GRM3: variants seen among roughly 807,000 people sequenced by gnomAD.
The protein encoded by GRM3 is metabotropic glutamate receptor 3.
GRM3 carries 26 observed loss-of-function variants against 70.5 expected under a neutral mutation model. The ratio of observed to expected loss-of-function variants is 0.37; its 90% CI spans 0.27 to 0.51. GRM3 has a LOEUF of 0.51. GRM3 is among the 20% of genes least tolerant of loss of function. GRM3 has a pLI of 0.93. For missense variants in GRM3, 859 were observed against 1,123.8 expected (o/e 0.76, Z 3.37); for synonymous variants, 443 against 434.9 (o/e 1.02, Z -0.23).
chr7:86,712,036 C>T (rs1278724009), intron 1 of GRM3, among the ~76,000 whole-genome samples: 1 of 152,154 alleles, frequency 6.6e-6, no homozygotes, highest in African/African-American at 2.4e-5. Flanking sequence ...TATGCTCTTT[C>T]TGTTAGTGGC....
chr7:86,716,762 T>A (rs557851712), intron 1 of GRM3, among the ~76,000 whole-genome samples: 1 of 152,016 alleles, frequency 6.6e-6, no homozygotes, highest in South Asian at 2.1e-4. Context: ...ATAATTTACA[T>A]AAGATTATAA....
At chr7:86,784,784 G>A (rs893851883) in intron 2 of GRM3, 30 of 152,200 alleles carry the variant, frequency 2.0e-4, no homozygotes, top group Non-Finnish European at 3.8e-4. Context: ...GCATTATATT[G>A]TGTGTTAAGC....
chr7:86,760,647 T>G (rs941300512), intron 1 of GRM3, among the ~76,000 whole-genome samples: 1 of 151,894 alleles, frequency 6.6e-6, no homozygotes, highest in African/African-American at 2.4e-5. Flanking sequence ...TATTTTTCAA[T>G]GTTACTTTTT....
At chr7:86,835,438 A>C (rs778536534) in intron 3 of GRM3, among the ~76,000 whole-genome samples, 16 of 152,138 alleles carry the variant, frequency 1.1e-4, no homozygotes, top group Non-Finnish European at 2.1e-4. Context: ...TGGAGTAGGA[A>C]AGGATTTTTT....
intron 1 of GRM3, among the ~76,000 whole-genome samples, chr7:86,683,337 TAAC>T (rs1217751078): frequency 6.6e-6 from 1 of 152,102 alleles, no homozygotes; most frequent in Non-Finnish European, 1.5e-5. Context: ...GCAGAGGAAA[TAAC>T]AAGTTCAGTT....
rs746316510 is a variant in GRM3, at chr7:86,818,635, G to T, written c.1325-20204G>T. ...AGCAATAATCATACATATACCTTAT[G>T]ATTTATTCCTTATGTGATTAGAAGG... On this transcript the variant is annotated intron_variant, in intron 3 of 5. Transcript: ENST00000361669. Among the ~76,000 whole-genome samples the T allele has an allele frequency of 1.3e-5, 2 of 152,056 alleles. 1 individual carries two copies. Among genetic ancestry groups the T allele is most frequent in the Non-Finnish European group, 2.9e-5 (2 of 67,994 alleles).
chr7:86,695,110 A>G (rs987552559), intron 1 of GRM3, among the ~76,000 whole-genome samples: 2 of 152,190 alleles, frequency 1.3e-5, no homozygotes, highest in African/African-American at 4.8e-5. Context: ...ATGTACTTCA[A>G]TTACCTTCCT....
At chr7:86,738,798 C>A (rs1368440111) in intron 1 of GRM3, among the ~76,000 whole-genome samples, 1 of 152,154 alleles carries the variant, frequency 6.6e-6, no homozygotes, top group Non-Finnish European at 1.5e-5. Context: ...AAAATGATAT[C>A]ATGCACAACA....
chr7:86,701,301 T>C (rs1182386956), intron 1 of GRM3, among the ~76,000 whole-genome samples: 3 of 151,954 alleles, frequency 2.0e-5, no homozygotes, highest in Non-Finnish European at 4.4e-5. Flanking sequence ...AACTTTACTG[T>C]ACTTGAGAAG....
chr7:86,702,183 A>G (rs1794960226), intron 1 of GRM3, among the ~76,000 whole-genome samples: 1 of 152,062 alleles, frequency 6.6e-6, no homozygotes, highest in Admixed American at 6.6e-5. Context: ...TGTAAGTGTG[A>G]GGCCATACAA....
chr7:86,833,874 T>G (rs1237583101), intron 3 of GRM3, among the ~76,000 whole-genome samples: 1 of 152,202 alleles, frequency 6.6e-6, no homozygotes, highest in Non-Finnish European at 1.5e-5. Flanking sequence ...ATTTGTTTTA[T>G]GTATTTGAAG....
At chr7:86,756,476 T>G (rs1179413248) in intron 1 of GRM3, among the ~76,000 whole-genome samples, 1 of 152,178 alleles carries the variant, frequency 6.6e-6, no homozygotes, top group Non-Finnish European at 1.5e-5. Flanking sequence ...AAAGTATAGT[T>G]TAACTGGATA....
At chr7:86,832,943 T>A in intron 3 of GRM3, 2 of 868,492 alleles carry the variant, frequency 2.3e-6, no homozygotes, top group African/African-American at 3.6e-5. Context: ...GAGCTTGAAA[T>A]TAGAGTTTGG....
chr7:86,802,240 A>G (rs1019465818), intron 3 of GRM3, among the ~76,000 whole-genome samples: 2 of 152,086 alleles, frequency 1.3e-5, no homozygotes, highest in African/African-American at 2.4e-5. Context: ...TGGAGACCCA[A>G]GTCTATCTGT....
rs763792296 is a variant in GRM3, at chr7:86,786,606, G to C, written c.814G>C (p.Val272Leu). Reference protein sequence around the residue: ...ELLQKPNARVVVLFMRSDDSR... With the variant: ...ELLQKPNARVLVLFMRSDDSR... ...GTTGCAGAAGCCCAACGCGCGCGTC[G>C]TGGTCCTCTTCATGCGCAGCGACGA... The change falls in exon 3 of 6, where the codon GTG (valine) becomes CTG (leucine). Residue 272 changes from valine to leucine, a missense_variant. Val to Leu is a conservative substitution (Grantham distance 32). Transcript: ENST00000361669. The surrounding 1 kb of genome is among the most constrained non-coding windows in gnomAD (Gnocchi z 6.0). The C allele has an allele frequency of 6.2e-7, 1 of 1,613,426 alleles. No individual in the cohort carries two copies. The highest frequency in any genetic ancestry group is 1.3e-5 in the African/African-American group (1 of 75,080).
intron 1 of GRM3, among the ~76,000 whole-genome samples, chr7:86,651,900 A>G (rs1326314555): frequency 6.6e-6 from 1 of 152,240 alleles, no homozygotes; most frequent in Non-Finnish European, 1.5e-5. Flanking sequence ...CAAATTTTAA[A>G]CTGAAGTATT....
intron 2 of GRM3, among the ~76,000 whole-genome samples, chr7:86,781,832 A>G (rs1313520938): frequency 6.6e-6 from 1 of 152,154 alleles, no homozygotes; most frequent in African/African-American, 2.4e-5. Flanking sequence ...AAGACTTGGA[A>G]TAAATATAAG....
intron 3 of GRM3, among the ~76,000 whole-genome samples, chr7:86,797,118 T>C (rs1358292411): frequency 6.6e-6 from 1 of 152,174 alleles, no homozygotes; most frequent in Admixed American, 6.5e-5. Context: ...AATGAATTAA[T>C]ACAATAAATT....
chr7:86,853,779 C>T (rs1798797391), intron 5 of GRM3, among the ~76,000 whole-genome samples: 1 of 152,134 alleles, frequency 6.6e-6, no homozygotes, highest in Admixed American at 6.6e-5. Context: ...AACAATACCT[C>T]TTTATATGAT....
Sources: allele counts gnomAD v4.1 joint callset (sites outside exome capture counted in the v4.1 genomes callset), GRCh38; gene constraint gnomAD v4.1.1; non-coding constraint Gnocchi (gnomAD v3.1); transcripts MANE v1.5; gene names NCBI Gene and HGNC (gene_info 2026-07-23, HGNC 2026-07-21).